The following SRGAP3 variants were observed in gnomAD, a reference collection of about 807,000 sequenced individuals.
SRGAP3 encodes the protein SLIT-ROBO Rho GTPase activating protein 3.
Under a neutral mutation model 121.1 loss-of-function variants are expected in SRGAP3, and 39 were observed. That is an observed-to-expected ratio of 0.32 (90% CI 0.25 to 0.42). The LOEUF (loss-of-function observed/expected upper bound fraction) is 0.42, where lower values mean the gene tolerates loss of function less well. SRGAP3 is among the 10% of genes least tolerant of loss of function. SRGAP3 has a pLI of 1.00. For missense variants in SRGAP3, 1,213 were observed against 1,470.6 expected, an observed-to-expected ratio of 0.82 and a Z score of 2.86; for synonymous variants, 601 against 570.0, an observed-to-expected ratio of 1.05 and a Z score of -0.77.
rs371797514 is a variant in SRGAP3, at chr3:9,228,924, C to T, written c.67+19961G>A. Among the ~76,000 whole-genome samples, 103 of 151,408 alleles carry T rather than the reference C, an allele frequency of 6.8e-4. No homozygotes were observed. The South Asian group carries it at 0.015, about 22-fold the overall frequency. ...AAAAATACAAAAAATTAGCCGGGCG[C>T]GGTGGCGGGCGCCTGTAGTCCCAGC... is the stretch of plus-strand genomic sequence containing the variant. On this transcript the variant is annotated intron_variant, in intron 1 of 21. Coordinates refer to ENST00000383836, the MANE Select transcript of SRGAP3 (RefSeq NM_014850.4).
chr3:9,168,136 G>A (rs1186514643), intron 1 of SRGAP3, among the ~76,000 whole-genome samples: 2 of 152,238 alleles, frequency 1.3e-5, no homozygotes, highest in African/African-American at 4.8e-5. Flanking sequence ...GTGGCAGCAT[G>A]TCTTTGTCAA....
chr3:9,107,413 T>C (rs1948457099), intron 2 of SRGAP3, among the ~76,000 whole-genome samples: 1 of 152,246 alleles, frequency 6.6e-6, no homozygotes, highest in Non-Finnish European at 1.5e-5. Context: ...TCTCCTCCAG[T>C]GTGTTCTGGG....
chr3:9,247,924 G>A (rs879296577), intron 1 of SRGAP3, among the ~76,000 whole-genome samples: 2 of 152,268 alleles, frequency 1.3e-5, no homozygotes, highest in African/African-American at 2.4e-5. Context: ...AGCCTAGAAC[G>A]TGTAGGGGTG....
At chr3:9,098,323 G>A (rs994585223) in intron 3 of SRGAP3, among the ~76,000 whole-genome samples, 1 of 152,148 alleles carries the variant, frequency 6.6e-6, no homozygotes, top group African/African-American at 2.4e-5. Context: ...CTGTCACCCA[G>A]TGCAATGCAG....
chr3:9,051,195 G>A (rs1038518512), intron 9 of SRGAP3, among the ~76,000 whole-genome samples: 10 of 151,870 alleles, frequency 6.6e-5, no homozygotes, highest in African/African-American at 2.4e-4. Flanking sequence ...TTTCTTTGTA[G>A]AAATGGAGTC....
intron 10 of SRGAP3, among the ~76,000 whole-genome samples, chr3:9,040,638 AC>A (rs1442727427): frequency 2.6e-5 from 4 of 152,154 alleles, no homozygotes; most frequent in Admixed American, 6.5e-5. Flanking sequence ...ATCACAGCTC[AC>A]TGCAACCTCA....
At chr3:9,129,868 TGTC>T (rs759631168) in intron 1 of SRGAP3, among the ~76,000 whole-genome samples, 1 of 152,000 alleles carries the variant, frequency 6.6e-6, no homozygotes, top group African/African-American at 2.4e-5. Flanking sequence ...TTCAAGGGAT[TGTC>T]CTTCTTCAGC....
upstream of SRGAP3, among the ~76,000 whole-genome samples, chr3:9,251,534 C>A (rs1190797062): frequency 6.6e-6 from 1 of 152,170 alleles, no homozygotes; most frequent in Non-Finnish European, 1.5e-5. Context: ...CAGACTGGAT[C>A]CTCTCCTGGC....
At chr3:9,328,505 T>C (rs1483913809) in intron 2 of SRGAP3, among the ~76,000 whole-genome samples, 1 of 152,212 alleles carries the variant, frequency 6.6e-6, no homozygotes, top group Non-Finnish European at 1.5e-5. Context: ...CACTCTTTAA[T>C]AAAGTCCTTT....
chr3:9,275,856 C>T (rs991572542), intron 3 of SRGAP3, among the ~76,000 whole-genome samples: 3 of 152,232 alleles, frequency 2.0e-5, no homozygotes, highest in Non-Finnish European at 2.9e-5. Context: ...CCACAGGTCT[C>T]CTGAAAGGTG....
rs1262954032 is a variant in SRGAP3, at chr3:9,310,517, G to T, written n.442+15493C>A. Reference sequence around the variant, plus strand: ...GATCAGGGCCAATGGCACTCCAGGAGATGTTTGCCAGTGCTTCTGGGAAGA... The same window carrying T: ...GATCAGGGCCAATGGCACTCCAGGATATGTTTGCCAGTGCTTCTGGGAAGA... On this transcript the variant is annotated intron_variant and non_coding_transcript_variant, in intron 3 of 3. Transcript: ENST00000490889. 2.0e-5 allele frequency among the ~76,000 whole-genome samples: 3 copies of T among 152,220 alleles called. No individual in the cohort carries two copies. The East Asian group carries it at 5.8e-4, about 29-fold the overall frequency.
intron 10 of SRGAP3, among the ~76,000 whole-genome samples, chr3:9,046,154 C>A (rs1945267225): frequency 6.6e-6 from 1 of 151,684 alleles, no homozygotes; most frequent in Non-Finnish European, 1.5e-5. Flanking sequence ...ATGTCTACCC[C>A]CAAGTATAAC....
chr3:9,296,147 G>A (rs1954951289), intron 3 of SRGAP3, among the ~76,000 whole-genome samples: 1 of 152,110 alleles, frequency 6.6e-6, no homozygotes, highest in African/African-American at 2.4e-5. Context: ...GTTCTTTTGT[G>A]TACATACCCA....
chr3:8,993,656 T>A (rs575742245), intron 19 of SRGAP3, among the ~76,000 whole-genome samples: 7 of 152,322 alleles, frequency 4.6e-5, no homozygotes, highest in African/African-American at 1.4e-4. Flanking sequence ...TCTGGCAGTC[T>A]GCTTGGCCCT....
intron 3 of SRGAP3, among the ~76,000 whole-genome samples, chr3:9,321,648 G>A (rs546591884): frequency 1.8e-4 from 28 of 151,944 alleles, no homozygotes; most frequent in African/African-American, 5.8e-4. Flanking sequence ...ATGCAGCCAC[G>A]AAAAAGAATC....
intron 3 of SRGAP3, among the ~76,000 whole-genome samples, chr3:9,259,473 T>A (rs1234954262): frequency 6.6e-6 from 1 of 152,082 alleles, no homozygotes; most frequent in African/African-American, 2.4e-5. Context: ...CCAGCTAATT[T>A]TTTTATTTTT....
chr3:8,992,581 A>T, intron 20 of SRGAP3: 2 of 457,874 alleles, frequency 4.4e-6, no homozygotes, highest in East Asian at 7.5e-5. Context: ...GAAAGCTGGA[A>T]GGAGGTGCAG....
chr3:9,118,560 G>C (rs1197272916), intron 2 of SRGAP3, among the ~76,000 whole-genome samples: 2 of 152,216 alleles, frequency 1.3e-5, no homozygotes, highest in Non-Finnish European at 2.9e-5. Flanking sequence ...CGCTGGTGAA[G>C]AGGAGGGAAG....
At chr3:9,348,154 T>A (rs1255247163) in intron 1 of SRGAP3, among the ~76,000 whole-genome samples, 1 of 152,228 alleles carries the variant, frequency 6.6e-6, no homozygotes, top group Non-Finnish European at 1.5e-5. Flanking sequence ...AAGTCAGCTA[T>A]GAATCACAAA....
Sources: allele counts gnomAD v4.1 joint callset (sites outside exome capture counted in the v4.1 genomes callset), GRCh38; gene constraint gnomAD v4.1.1; transcripts MANE v1.5; gene names NCBI Gene and HGNC (gene_info 2026-07-23, HGNC 2026-07-21).